The following PKD2 variants were observed in gnomAD, a reference collection of about 807,000 sequenced individuals.
PKD2 encodes the protein polycystin-2.
PKD2 carries 48 observed loss-of-function variants against 105.9 expected under a neutral mutation model. The observed-to-expected ratio is 0.45, with a 90% CI of 0.36 to 0.58. The LOEUF is 0.58. Ranked by LOEUF, PKD2 falls within the 20% of genes least tolerant of loss-of-function variation. PKD2 has a pLI of 0.00. For synonymous variants in PKD2, 464 were observed against 481.1 expected (o/e 0.96, Z 0.46); for missense variants, 1,078 against 1,255.3 (o/e 0.86, Z 2.13).
rs1578111148 is a variant in PKD2, at chr4:88,007,818, C to G, written c.85C>G (p.Leu29Val). 7.6e-6 allele frequency: 9 copies of G among 1,180,122 alleles called. No homozygotes were observed. Among genetic ancestry groups the G allele is most frequent in the African/African-American group, 6.5e-5 (4 of 61,874 alleles). 73.1% of individuals were successfully genotyped at this position (1,180,122 alleles called of 1,614,324 possible). A position where few individuals can be genotyped will look rare whatever the true frequency, so the allele number is the denominator to read the frequency against. ...PAPRAPDPGR[L>V]MAGCAAVGAS... ...GCCCCGCGCGCCGGACCCGGGCCGGCTGATGGCTGGCTGCGCGGCCGTGGG... is the reference window on the plus strand; with the variant it reads ...GCCCCGCGCGCCGGACCCGGGCCGGGTGATGGCTGGCTGCGCGGCCGTGGG... The change falls in exon 1 of 15, where the codon CTG (leucine) becomes GTG (valine). Residue 29 changes from leucine to valine, a missense_variant. Physicochemically the swap from Leu to Val is conservative, Grantham distance 32. Coordinates refer to ENST00000237596, the MANE Select transcript of PKD2 (RefSeq NM_000297.4).
chr4:88,064,238 T>G (rs750627957), intron 10 of PKD2, among the ~76,000 whole-genome samples: 6 of 152,216 alleles, frequency 3.9e-5, no homozygotes, highest in Non-Finnish European at 8.8e-5. Context: ...AGAAAAGAAG[T>G]TCACTCCACA....
intron 13 of PKD2, among the ~76,000 whole-genome samples, chr4:88,073,204 AAAG>A (rs1454807146): frequency 2.0e-5 from 3 of 151,188 alleles, no homozygotes; most frequent in Non-Finnish European, 4.4e-5. Context: ...AAAAAAAAAA[AAAG>A]GTGTAAAAAA....
intron 9 of PKD2, among the ~76,000 whole-genome samples, chr4:88,060,569 T>TA (rs934667994): frequency 1.3e-5 from 2 of 152,016 alleles, no homozygotes; most frequent in Non-Finnish European, 2.9e-5. Context: ...ATTAGGCCCT[T>TA]ACGAAGATTC....
chr4:88,010,533 T>A (rs141247828), intron 1 of PKD2, among the ~76,000 whole-genome samples: 1 of 152,222 alleles, frequency 6.6e-6, no homozygotes, highest in East Asian at 1.9e-4. Flanking sequence ...AGAAATCTTA[T>A]ATGCACTATG....
At chr4:88,044,442 G>T (rs1423982812) in intron 5 of PKD2, among the ~76,000 whole-genome samples, 1 of 152,154 alleles carries the variant, frequency 6.6e-6, no homozygotes, top group African/African-American at 2.4e-5. Context: ...TCTGCTTTAT[G>T]TGGCTTGTTG....
At chr4:88,051,757 C>T (rs1436726205) in intron 6 of PKD2, among the ~76,000 whole-genome samples, 3 of 152,086 alleles carry the variant, frequency 2.0e-5, no homozygotes, top group Non-Finnish European at 4.4e-5. Flanking sequence ...TGCATGCCTT[C>T]GTTGAGTTTC....
At chr4:88,064,393 T>A (rs1286234089) in intron 10 of PKD2, among the ~76,000 whole-genome samples, 1 of 152,218 alleles carries the variant, frequency 6.6e-6, no homozygotes, top group Non-Finnish European at 1.5e-5. Flanking sequence ...TAAATCAATA[T>A]TAGTTTTCTT....
intron 2 of PKD2, among the ~76,000 whole-genome samples, chr4:88,028,862 A>C (rs1727046697): frequency 6.6e-6 from 1 of 152,232 alleles, no homozygotes; most frequent in African/African-American, 2.4e-5. Flanking sequence ...TATAAATATT[A>C]TACATCTTTC....
At chr4:88,048,868 G>A (rs754378716) in intron 6 of PKD2, among the ~76,000 whole-genome samples, 4 of 152,174 alleles carry the variant, frequency 2.6e-5, no homozygotes, top group Admixed American at 1.3e-4. Context: ...TAATTTTTCA[G>A]AATATTTCTG....
Position 88,007,791 on chromosome 4 carries a change from G to T in PKD2, c.58G>T (p.Ala20Ser). Residue 20 changes from alanine (A) to serine (S), a missense_variant, in exon 1 of 15, where the codon GCG (alanine) becomes TCG (serine). Physicochemically the swap from Ala to Ser is moderately conservative, Grantham distance 99. Around this residue, in one of 2 missense-constraint regions of PKD2, gnomAD observed 210 missense variants for 187.9 expected, o/e 1.12. Coordinates refer to ENST00000237596, the MANE Select transcript of PKD2 (RefSeq NM_000297.4). ...GCCCGGGGACGCCAAGCGGCCGCCC[G>T]CGCCCCGCGCGCCGGACCCGGGCCG... ...QQPGDAKRPP[A>S]PRAPDPGRLM... The T allele has an allele frequency of 1.7e-6, 2 of 1,156,090 alleles. No individual in the cohort carries two copies. Among genetic ancestry groups the T allele is most frequent in the Non-Finnish European group, 1.1e-6 (1 of 936,642 alleles). The allele number at this position is 1,156,090 out of a possible 1,614,324, so 71.6% of individuals were successfully genotyped here. A position where few individuals can be genotyped will look rare whatever the true frequency, so the allele number is the denominator to read the frequency against.
chr4:88,007,932 C>A lies in PKD2; in HGVS notation c.199C>A (p.Pro67Thr), dbSNP rs1426011277. The change falls in exon 1 of 15, where the codon CCC (proline) becomes ACC (threonine). Residue 67 changes from proline to threonine, a missense_variant. Around this residue, in one of 2 missense-constraint regions of PKD2, gnomAD observed 210 missense variants for 187.9 expected, o/e 1.12. Coordinates refer to ENST00000237596, the MANE Select transcript of PKD2 (RefSeq NM_000297.4). ...QRIRQAAARD[P>T]PAGAAASPSP... ...CATCCGGCAGGCGGCCGCGCGGGAC[C>A]CCCCGGCCGGAGCCGCGGCCTCCCC... 6.9e-7 allele frequency: 1 copy of A among 1,455,812 alleles called. No individual in the cohort carries two copies. The allele number at this position is 1,455,812 out of a possible 1,614,324, so 90.2% of individuals were successfully genotyped here.
intron 2 of PKD2, among the ~76,000 whole-genome samples, chr4:88,021,031 G>A (rs905489336): frequency 3.9e-5 from 6 of 152,188 alleles, no homozygotes; most frequent in Non-Finnish European, 8.8e-5. Context: ...TTAGAAACTT[G>A]AGATTGAGTT....
At chr4:88,068,179 A>G in intron 13 of PKD2, 118 bp downstream of exon 13, 2 of 931,638 alleles carry the variant, frequency 2.1e-6, no homozygotes, top group Non-Finnish European at 3.5e-6. Flanking sequence ...TTTTAAAAAT[A>G]ACTTATACTG....
intron 1 of PKD2, among the ~76,000 whole-genome samples, chr4:88,015,700 G>A (rs1049096557): frequency 2.0e-5 from 3 of 152,244 alleles, no homozygotes; most frequent in African/African-American, 7.2e-5. Flanking sequence ...GGGATTACAG[G>A]CGTGAGCCAG....
intron 1 of PKD2, 92 bp downstream of exon 1, chr4:88,008,420 C>T (rs1726270374): frequency 7.0e-7 from 1 of 1,423,790 alleles, no homozygotes. Flanking sequence ...TCCCCGGGCT[C>T]CATCTCGCAT....
intron 1 of PKD2, 69 bp downstream of exon 1, chr4:88,008,397 C>T (rs1578111863): frequency 6.8e-7 from 1 of 1,460,158 alleles, no homozygotes; most frequent in Non-Finnish European, 9.0e-7. Context: ...GGGCCATCGC[C>T]CGCTGCGGCA....
At chr4:88,071,974 T>TC in intron 13 of PKD2, among the ~76,000 whole-genome samples, 1 of 146,070 alleles carries the variant, frequency 6.8e-6, no homozygotes. Context: ...TAGAGGCCAG[T>TC]CTTTTTTTTT....
In PKD2 at chr4:88,038,529, G is replaced by A. The variant is rs549427432; in HGVS notation, c.1094+28G>A. The A allele has an allele frequency of 6.4e-5, 103 of 1,610,286 alleles. No individual in the cohort carries two copies. In the South Asian group the frequency reaches 8.9e-4, roughly 14 times the overall value. ...AAGTGTCTGTGACTCATTGCCACTC[G>A]GTGATATTCATTCATTTATTCTCTG... On this transcript the variant is annotated intron_variant, in intron 4 of 14. Coordinates refer to ENST00000237596, the MANE Select transcript of PKD2 (RefSeq NM_000297.4).
At chr4:88,018,333 A>G (rs2110088215) in intron 1 of PKD2, among the ~76,000 whole-genome samples, 1 of 152,350 alleles carries the variant, frequency 6.6e-6, no homozygotes, top group Non-Finnish European at 1.5e-5. Context: ...CATGAACACT[A>G]ATGATGAACT....
Sources: gnomAD v4.1 joint callset for allele counts (sites outside exome capture counted in the v4.1 genomes callset) on GRCh38, gnomAD v4.1.1 for gene constraint, gnomAD v4.1.1 regional missense constraint, MANE v1.5 for transcripts, NCBI Gene and HGNC (gene_info 2026-07-23, HGNC 2026-07-21) for gene names.